The following CSNK2A2IP variants were observed in gnomAD, a reference collection of about 807,000 sequenced individuals.
The protein encoded by CSNK2A2IP is casein kinase 2 subunit alpha' interacting protein, also known as casein kinase II subunit alpha'-interacting protein.
chr3:88,465,492 A>T, the CSNK2A2IP span: 1 of 1,231,718 alleles, frequency 8.1e-7, no homozygotes. Context: ...CTATGGCCAA[A>T]GTGCAATCCC....
chr3:88,447,036 A>C, the CSNK2A2IP span, among the ~76,000 whole-genome samples: 8 of 152,224 alleles, frequency 5.3e-5, no homozygotes, highest in African/African-American at 1.9e-4. Flanking sequence ...TGAATCAGCC[A>C]ATTTCTCAGG....
the CSNK2A2IP span, among the ~76,000 whole-genome samples, chr3:88,340,498 C>T: frequency 2.6e-5 from 4 of 151,902 alleles, no homozygotes; most frequent in African/African-American, 4.8e-5. Context: ...TCAGAAACTG[C>T]GTATTCTTTA....
the CSNK2A2IP span, among the ~76,000 whole-genome samples, chr3:88,411,490 G>A: frequency 3.3e-3 from 494 of 151,542 alleles, 4 homozygotes; most frequent in Middle Eastern, 0.027. Flanking sequence ...TAAGTTTATT[G>A]CATTAAATAT....
chr3:88,416,881 C>T, the CSNK2A2IP span, among the ~76,000 whole-genome samples: 4 of 151,978 alleles, frequency 2.6e-5, no homozygotes, highest in East Asian at 3.9e-4. Context: ...TTTAATTGCA[C>T]GTGCTAACAA....
chr3:88,461,609 A>T, the CSNK2A2IP span, among the ~76,000 whole-genome samples: 3 of 152,152 alleles, frequency 2.0e-5, no homozygotes. Flanking sequence ...AATTTTCCAA[A>T]GGAGTTGTAT....
chr3:88,425,690 A>G, the CSNK2A2IP span, among the ~76,000 whole-genome samples: 3 of 152,138 alleles, frequency 2.0e-5, no homozygotes, highest in African/African-American at 7.2e-5. Flanking sequence ...TGGGAGCAGT[A>G]TTAGTGGTAG....
At chr3:88,462,877 G>A in the CSNK2A2IP span, among the ~76,000 whole-genome samples, 1 of 152,090 alleles carries the variant, frequency 6.6e-6, no homozygotes, top group Non-Finnish European at 1.5e-5. Context: ...AGATAAGCCA[G>A]GACTAGAAGC....
At chr3:88,360,648 A>G in the CSNK2A2IP span, among the ~76,000 whole-genome samples, 1 of 152,016 alleles carries the variant, frequency 6.6e-6, no homozygotes, top group African/African-American at 2.4e-5. Context: ...AAAACTTTCA[A>G]TGGAATAATT....
At chr3:88,362,183 A>G in the CSNK2A2IP span, among the ~76,000 whole-genome samples, 3 of 151,920 alleles carry the variant, frequency 2.0e-5, no homozygotes, top group Non-Finnish European at 4.4e-5. Flanking sequence ...CTGGTCATTG[A>G]AGAGTTAGGT....
chr3:88,411,761 T>C, the CSNK2A2IP span, among the ~76,000 whole-genome samples: 1 of 151,712 alleles, frequency 6.6e-6, no homozygotes, highest in African/African-American at 2.4e-5. Flanking sequence ...TGAATTGAGA[T>C]GTTTTGTGAG....
the CSNK2A2IP span, among the ~76,000 whole-genome samples, chr3:88,455,564 T>C: frequency 5.3e-5 from 8 of 151,984 alleles, no homozygotes; most frequent in Non-Finnish European, 1.2e-4. Flanking sequence ...TTTTTTTCTA[T>C]TGAGTTGTGT....
the CSNK2A2IP span, among the ~76,000 whole-genome samples, chr3:88,376,715 G>A: frequency 1.3e-5 from 2 of 151,020 alleles, no homozygotes; most frequent in Non-Finnish European, 3.0e-5. Flanking sequence ...TCATTCTTTT[G>A]GTGGCTACAC....
the CSNK2A2IP span, among the ~76,000 whole-genome samples, chr3:88,449,820 G>GACACACACACACACACAC: frequency 1.5e-3 from 70 of 47,120 alleles, no homozygotes; most frequent in East Asian, 0.011. Flanking sequence ...TTTATATCGA[G>GACACACACACACACACAC]ACACACACAC....
At chr3:88,416,114 T>C in the CSNK2A2IP span, among the ~76,000 whole-genome samples, 1 of 151,174 alleles carries the variant, frequency 6.6e-6, no homozygotes, top group Non-Finnish European at 1.5e-5. Flanking sequence ...CTACTAAAAA[T>C]AGAAAAATTA....
At chr3:88,465,469 T>C in the CSNK2A2IP span, 2 of 1,231,678 alleles carry the variant, frequency 1.6e-6, no homozygotes, top group Non-Finnish European at 2.0e-6. Context: ...ACTAAATCAA[T>C]TCAATAACCA....
chr3:88,350,588 T>A, the CSNK2A2IP span, among the ~76,000 whole-genome samples: 1 of 89,590 alleles, frequency 1.1e-5, no homozygotes. Flanking sequence ...ATACACTAAA[T>A]TCAAAGATGA....
chr3:88,419,603 T>C, the CSNK2A2IP span, among the ~76,000 whole-genome samples: 1 of 152,170 alleles, frequency 6.6e-6, no homozygotes. Flanking sequence ...ATGGTTTATA[T>C]TTCTTTGGAT....
the CSNK2A2IP span, among the ~76,000 whole-genome samples, chr3:88,388,969 G>A: frequency 6.1e-4 from 36 of 58,916 alleles, no homozygotes; most frequent in Middle Eastern, 8.1e-3. Context: ...AGAAAATGAG[G>A]ATATAACAAT....
chr3:88,356,805 C>T, the CSNK2A2IP span, among the ~76,000 whole-genome samples: 2 of 152,006 alleles, frequency 1.3e-5, no homozygotes, highest in African/African-American at 4.8e-5. Context: ...ACTGGGCTGA[C>T]ATAATATTTC....
Sources: gnomAD v4.1 joint callset for allele counts (sites outside exome capture counted in the v4.1 genomes callset) on GRCh38, gnomAD v4.1.1 for gene constraint, MANE v1.5 for transcripts, NCBI Gene and HGNC (gene_info 2026-07-23, HGNC 2026-07-21) for gene names.